THOC2: variants seen among roughly 807,000 people sequenced by gnomAD.
THOC2 encodes the protein THO complex subunit 2.
In THOC2, 10 loss-of-function variants were observed where a neutral mutation model predicts 128.4. The ratio of observed to expected loss-of-function variants is 0.08; its 90% CI spans 0.05 to 0.13. THOC2 has a LOEUF of 0.13. Ranked by LOEUF, THOC2 falls within the 10% of genes least tolerant of loss-of-function variation. The pLI is 1.00. For synonymous variants in THOC2, 393 were observed against 396.9 expected (o/e 0.99, Z 0.12); for missense variants, 535 against 1,155.7 (o/e 0.46, Z 7.79).
intron 12 of THOC2, among the ~76,000 whole-genome samples, chrX:123,656,352 A>AG (rs1244237383): frequency 3.8e-3 from 384 of 99,856 alleles, no homozygotes; most frequent in African/African-American, 5.8e-3. Context: ...AAAAAAAAAA[A>AG]AGAGAGAGAG....
chrX:123,623,509 T>TA (rs2047159573), intron 28 of THOC2: 3 of 579,300 alleles, frequency 5.2e-6, no homozygotes, highest in Non-Finnish European at 7.7e-6. Context: ...GGCTTTTTTT[T>TA]TTTACTCTTG....
chrX:123,684,083 G>C (rs1329192255), intron 8 of THOC2, among the ~76,000 whole-genome samples: 1 of 110,291 alleles, frequency 9.1e-6, no homozygotes, highest in African/African-American at 3.3e-5. Flanking sequence ...GACCCCCCCG[G>C]GTATATTTTA....
At chrX:123,732,850 A>AG in intron 1 of THOC2, 102 bp downstream of exon 1, 2 of 892,123 alleles carry the variant, frequency 2.2e-6, no homozygotes, top group Non-Finnish European at 3.3e-6. Flanking sequence ...CGGGTGGGGG[A>AG]GGGGGTACAT....
At chrX:123,606,585 C>T (rs1224552389) in intron 38 of THOC2, among the ~76,000 whole-genome samples, 4 of 111,031 alleles carry the variant, frequency 3.6e-5, no homozygotes, top group Non-Finnish European at 5.7e-5. Context: ...CAGAGAGAGA[C>T]TCTGTCTCAA....
chrX:123,724,838 G>A (rs1056286884), intron 1 of THOC2, among the ~76,000 whole-genome samples: 3 of 111,598 alleles, frequency 2.7e-5, no homozygotes, highest in African/African-American at 6.5e-5. Flanking sequence ...TCAGGAGTTC[G>A]AGACCAGCCT....
chrX:123,611,027 T>C (rs756606710), intron 37 of THOC2, 64 bp from the exon 38 acceptor site: 3 of 1,069,461 alleles, frequency 2.8e-6, no homozygotes, highest in African/African-American at 3.7e-5. Flanking sequence ...TCTCCCCTTT[T>C]AGTACAGCAC....
Position 123,664,111 on chromosome X carries a change from T to C in THOC2, c.1386+1531A>G, listed in dbSNP as rs151171899. ...CATGTGTCTTTATAGCAGCATGATT[T>C]ATAATTCTTTGGGTATATACCCAGT... On this transcript the variant is annotated intron_variant, in intron 12 of 38. Coordinates refer to ENST00000245838, the MANE Select transcript of THOC2 (RefSeq NM_001081550.2). Among the ~76,000 whole-genome samples, 803 of 112,253 alleles carry C rather than the reference T, an allele frequency of 7.2e-3. 8 individuals are homozygous for C. The highest frequency in any genetic ancestry group is 0.024 in the African/African-American group (739 of 30,909).
At chrX:123,664,393 G>C (rs2048970130) in intron 12 of THOC2, among the ~76,000 whole-genome samples, 1 of 112,252 alleles carries the variant, frequency 8.9e-6, no homozygotes, top group Non-Finnish European at 1.9e-5. Flanking sequence ...CACAGCAAAA[G>C]AAACTACCAT....
At chrX:123,713,083 T>C (rs918602347) in intron 1 of THOC2, among the ~76,000 whole-genome samples, 175 bp from the exon 2 acceptor site, 4 of 112,203 alleles carry the variant, frequency 3.6e-5, no homozygotes, top group Non-Finnish European at 7.5e-5. Context: ...ACCTCTGTAG[T>C]AATAAAGAAG....
intron 36 of THOC2, among the ~76,000 whole-genome samples, chrX:123,612,340 C>T (rs2046730384): frequency 8.9e-6 from 1 of 111,898 alleles, no homozygotes; most frequent in Admixed American, 9.5e-5. Context: ...TGAAATATTA[C>T]TTAGCTATAA....
intron 14 of THOC2, 43 bp from the exon 15 acceptor site, chrX:123,644,719 T>C (rs1477468517): frequency 8.6e-7 from 1 of 1,164,347 alleles, no homozygotes; most frequent in Non-Finnish European, 1.2e-6. Context: ...AGTTAAACAC[T>C]TAGAGGTTAA....
chrX:123,659,324 G>A (rs937949690), intron 12 of THOC2, among the ~76,000 whole-genome samples: 1 of 112,789 alleles, frequency 8.9e-6, no homozygotes, highest in Non-Finnish European at 1.9e-5. Context: ...TGTAATCCCA[G>A]CACTTTGGGA....
At chrX:123,701,123 T>C (rs762295044) in intron 4 of THOC2, among the ~76,000 whole-genome samples, 176 of 111,189 alleles carry the variant, frequency 1.6e-3, no homozygotes, top group African/African-American at 5.6e-3. Context: ...GAGGCCAAGG[T>C]GGACAGATCA....
intron 7 of THOC2, among the ~76,000 whole-genome samples, chrX:123,690,167 G>C (rs2050161855): frequency 9.0e-6 from 1 of 111,062 alleles, no homozygotes; most frequent in Non-Finnish European, 1.9e-5. Flanking sequence ...ATTTAAATAA[G>C]TATTAAATAA....
intron 1 of THOC2, among the ~76,000 whole-genome samples, chrX:123,728,956 A>G (rs368706311): frequency 6.2e-5 from 7 of 112,195 alleles, no homozygotes; most frequent in African/African-American, 2.3e-4. Flanking sequence ...GCCTGTAACA[A>G]AGAAATGCTG....
intron 19 of THOC2, 54 bp from the exon 20 acceptor site, chrX:123,634,124 T>C: frequency 1.5e-6 from 1 of 686,112 alleles, no homozygotes; most frequent in Non-Finnish European, 2.2e-6. Flanking sequence ...AATATAAAAG[T>C]AACAATGTAT....
At chrX:123,634,653 A>G (rs1569350202) in intron 19 of THOC2, among the ~76,000 whole-genome samples, 1 of 111,903 alleles carries the variant, frequency 8.9e-6, no homozygotes, top group Non-Finnish European at 1.9e-5. Flanking sequence ...TTTCTCCTCC[A>G]ATACAGGATG....
At chrX:123,701,678 G>T in intron 4 of THOC2, among the ~76,000 whole-genome samples, 1 of 103,304 alleles carries the variant, frequency 9.7e-6, no homozygotes, top group African/African-American at 3.8e-5. Context: ...TTTGTTTCAT[G>T]ATGTATTTAT....
chrX:123,644,364 G>A (rs769013115), intron 15 of THOC2, among the ~76,000 whole-genome samples: 1 of 111,697 alleles, frequency 9.0e-6, no homozygotes, highest in East Asian at 2.8e-4. Flanking sequence ...TTATCCATAT[G>A]TAAACACAAC....
Sources: allele counts gnomAD v4.1 joint callset (sites outside exome capture counted in the v4.1 genomes callset), GRCh38; gene constraint gnomAD v4.1.1; transcripts MANE v1.5; gene names NCBI Gene and HGNC (gene_info 2026-07-23, HGNC 2026-07-21).